NXN: variants seen among roughly 807,000 people sequenced by gnomAD.
NXN encodes nucleoredoxin 1.
In NXN, 16 loss-of-function variants were observed where a neutral mutation model predicts 48.6. The observed-to-expected ratio is 0.33, with a 90% CI of 0.22 to 0.50. The LOEUF is 0.50. Among genes scored for constraint, NXN ranks in the 20% least tolerant of loss-of-function variants. NXN has a pLI of 0.98. For synonymous variants in NXN, 281 were observed against 269.6 expected, an observed-to-expected ratio of 1.04 and a Z score of -0.41; for missense variants, 492 against 605.5, an observed-to-expected ratio of 0.81 and a Z score of 1.97.
chr17:953,322 G>A (rs1231821888), intron 1 of NXN, among the ~76,000 whole-genome samples: 2 of 152,180 alleles, frequency 1.3e-5, no homozygotes, highest in African/African-American at 4.8e-5. Flanking sequence ...GGCTGAGGCA[G>A]GAGAATCGCT....
chr17:823,930 C>T lies in NXN; in HGVS notation c.479-165G>A, dbSNP rs3744745. 0.17 allele frequency among the ~76,000 whole-genome samples: 25,454 copies of T among 152,020 alleles called. 2,162 individuals carry two copies. Among genetic ancestry groups the T allele is most frequent in the Non-Finnish European group, 0.17 (11,861 of 67,970 alleles). On this transcript the variant is annotated intron_variant, in intron 2 of 7. Transcript: ENST00000336868. ...TCATCAAACAGTACTTGTCAACACA[C>T]CTACAGCGTCTGCAGCTAACACAGG...
intron 1 of NXN, among the ~76,000 whole-genome samples, chr17:909,120 A>AC (rs2068609394): frequency 8.1e-6 from 1 of 122,860 alleles, no homozygotes; most frequent in Non-Finnish European, 1.8e-5. Flanking sequence ...AAAAAAAAAA[A>AC]AAAAAAACAC....
chr17:934,640 A>G (rs1435550891), intron 1 of NXN, among the ~76,000 whole-genome samples: 2 of 151,798 alleles, frequency 1.3e-5, no homozygotes, highest in South Asian at 2.1e-4. Flanking sequence ...TTGGGAGGCC[A>G]AGGTGGGTGG....
chr17:942,896 A>C (rs369331382), intron 1 of NXN, among the ~76,000 whole-genome samples: 176 of 30,760 alleles, frequency 5.7e-3, no homozygotes, highest in Non-Finnish European at 7.9e-3. Context: ...CCCTGGATTT[A>C]CAGTGAACAA....
intron 1 of NXN, among the ~76,000 whole-genome samples, chr17:862,552 G>GA (rs1353623692): frequency 6.6e-6 from 1 of 152,188 alleles, no homozygotes; most frequent in Non-Finnish European, 1.5e-5. Flanking sequence ...ATTCATGAAA[G>GA]AATCATCACA....
chr17:916,914 C>A (rs2068693832), intron 1 of NXN, among the ~76,000 whole-genome samples: 1 of 152,112 alleles, frequency 6.6e-6, no homozygotes, highest in Non-Finnish European at 1.5e-5. Context: ...AAAATTACAG[C>A]AACCAACAGG....
chr17:966,252 G>C (rs1275423418), intron 1 of NXN, among the ~76,000 whole-genome samples: 1 of 152,106 alleles, frequency 6.6e-6, no homozygotes, highest in Non-Finnish European at 1.5e-5. Flanking sequence ...GCTTTGAATG[G>C]GGCCCAACAC....
At chr17:887,098 T>C (rs548024466) in intron 1 of NXN, among the ~76,000 whole-genome samples, 6 of 151,534 alleles carry the variant, frequency 4.0e-5, no homozygotes, top group Non-Finnish European at 8.8e-5. Context: ...TTTTTTTCTG[T>C]AGAGATGGGG....
chr17:907,320 G>C (rs1367729492), intron 1 of NXN, among the ~76,000 whole-genome samples: 1 of 148,606 alleles, frequency 6.7e-6, no homozygotes, highest in Non-Finnish European at 1.5e-5. Flanking sequence ...GGATTGTGAG[G>C]AGAAGTGATG....
chr17:843,611 G>C (rs868300591), intron 1 of NXN, among the ~76,000 whole-genome samples: 3 of 152,230 alleles, frequency 2.0e-5, no homozygotes, highest in African/African-American at 7.2e-5. Flanking sequence ...ATAGGAGGGG[G>C]AGTGAGGAGC....
chr17:838,123 C>T (rs1265335998), intron 1 of NXN, among the ~76,000 whole-genome samples: 2 of 125,986 alleles, frequency 1.6e-5, no homozygotes, highest in East Asian at 5.8e-4. Flanking sequence ...TTTTCCTTTC[C>T]TTCTTTTTTT....
intron 1 of NXN, among the ~76,000 whole-genome samples, chr17:974,754 T>A (rs1214889264): frequency 6.6e-6 from 1 of 152,064 alleles, no homozygotes; most frequent in Non-Finnish European, 1.5e-5. Flanking sequence ...TTAAAAAATA[T>A]ATTACAAATG....
chr17:879,565 G>C (rs1010267497), intron 1 of NXN, among the ~76,000 whole-genome samples: 5 of 151,968 alleles, frequency 3.3e-5, no homozygotes, highest in Non-Finnish European at 7.4e-5. Context: ...GGGACTACAG[G>C]CATGAGCCAC....
intron 1 of NXN, among the ~76,000 whole-genome samples, chr17:924,154 C>T (rs2068774755): frequency 1.3e-5 from 2 of 152,144 alleles, no homozygotes; most frequent in Non-Finnish European, 2.9e-5. Context: ...AGGGTCTTCC[C>T]ACCTCTGCAT....
At chr17:855,311 AAAG>A (rs2067973578) in intron 1 of NXN, among the ~76,000 whole-genome samples, 1 of 152,138 alleles carries the variant, frequency 6.6e-6, no homozygotes, top group South Asian at 2.1e-4. Flanking sequence ...ATATACTAAC[AAAG>A]AATAAGAAGA....
At chr17:894,622 C>G (rs1278600173) in intron 1 of NXN, among the ~76,000 whole-genome samples, 1 of 150,950 alleles carries the variant, frequency 6.6e-6, no homozygotes, top group Non-Finnish European at 1.5e-5. Flanking sequence ...TCTCAAACGC[C>G]CTGGAAGCCA....
At chr17:914,948 T>TA (rs1205129721) in intron 1 of NXN, among the ~76,000 whole-genome samples, 1 of 146,144 alleles carries the variant, frequency 6.8e-6, no homozygotes, top group African/African-American at 2.5e-5. Context: ...TCAGAGTTGA[T>TA]TTTTTTTTTT....
intron 1 of NXN, among the ~76,000 whole-genome samples, 180 bp from the exon 2 acceptor site, chr17:826,258 C>T (rs1913093073): frequency 6.6e-6 from 1 of 151,916 alleles, no homozygotes; most frequent in African/African-American, 2.4e-5. Flanking sequence ...AATCCCACTG[C>T]CCCCCGGGGT....
rs1244279657 is a variant in NXN at position 889,739 on chromosome 17, GAAAGAAAGAAAGAAAGAAAGAAAA to G, written c.361-63685_361-63662del. Among the ~76,000 whole-genome samples, 131 of 87,912 alleles carry G rather than the reference GAAAGAAAGAAAGAAAGAAAGAAAA, an allele frequency of 1.5e-3. 1 individual carries two copies. The Middle Eastern group carries it at 0.024, about 16-fold the overall frequency. The allele number at this position is 87,912 out of a possible 152,430, so 57.7% of individuals were successfully genotyped here. A position where few individuals can be genotyped will look rare whatever the true frequency, so the allele number is the denominator to read the frequency against. Reference sequence around the variant, plus strand: ...AGAAAGAAAGAAAGAAAGAAAGAAAGAAAGAAAGAAAGAAAGAAAGAAAAAGAAAGAAAGAAAAGAGAGAGAAAA... The same window carrying G: ...AGAAAGAAAGAAAGAAAGAAAGAAAGAGAAAGAAAGAAAAGAGAGAGAAAA... On this transcript the variant is annotated intron_variant, in intron 1 of 7. Coordinates refer to ENST00000336868, the MANE Select transcript of NXN (RefSeq NM_022463.5).
Sources: gnomAD v4.1 joint callset for allele counts (sites outside exome capture counted in the v4.1 genomes callset) on GRCh38, gnomAD v4.1.1 for gene constraint, MANE v1.5 for transcripts, NCBI Gene and HGNC (gene_info 2026-07-23, HGNC 2026-07-21) for gene names.